The following PTPRD variants were observed in gnomAD, a reference collection of about 807,000 sequenced individuals.
PTPRD encodes protein tyrosine phosphatase receptor type D.
PTPRD carries 34 observed loss-of-function variants against 214.5 expected under a neutral mutation model. The ratio of observed to expected loss-of-function variants is 0.16; its 90% confidence interval spans 0.12 to 0.21. PTPRD has a LOEUF of 0.21. PTPRD is among the 10% of genes least tolerant of loss of function. PTPRD has a pLI of 1.00. For synonymous variants in PTPRD, 1,128 were observed against 845.7 expected (o/e 1.33, Z -5.79); for missense variants, 2,545 against 2,398.7 (o/e 1.06, Z -1.27).
At chr9:10,542,947 C>A (rs1486726753) in intron 2 of PTPRD, among the ~76,000 whole-genome samples, 2 of 152,046 alleles carry the variant, frequency 1.3e-5, no homozygotes, top group Admixed American at 6.6e-5. Flanking sequence ...GATGGGGTGT[C>A]TCCATGTTGG....
At chr9:9,847,917 T>G (rs867001600) in intron 5 of PTPRD, among the ~76,000 whole-genome samples, 24 of 152,064 alleles carry the variant, frequency 1.6e-4, no homozygotes, top group Admixed American at 4.6e-4. Flanking sequence ...CAGATCCACG[T>G]GATGAAGCTA....
chr9:9,176,073 G>C (rs2099924667), intron 10 of PTPRD, among the ~76,000 whole-genome samples: 1 of 152,122 alleles, frequency 6.6e-6, no homozygotes, highest in Non-Finnish European at 1.5e-5. Context: ...ATCTCACATT[G>C]CTACTCTTAT....
chr9:8,740,763 G>A (rs986554925), intron 11 of PTPRD, among the ~76,000 whole-genome samples: 3 of 152,068 alleles, frequency 2.0e-5, no homozygotes, highest in African/African-American at 7.2e-5. Context: ...AACAACAAGA[G>A]GTAGTTTAAG....
intron 2 of PTPRD, among the ~76,000 whole-genome samples, chr9:10,342,889 A>G (rs2154445471): frequency 6.6e-6 from 1 of 152,162 alleles, no homozygotes; most frequent in South Asian, 2.1e-4. Context: ...TGAACAAACT[A>G]AAAAGGTTGG....
At chr9:10,067,253 G>C (rs1027808482) in intron 3 of PTPRD, among the ~76,000 whole-genome samples, 4 of 151,794 alleles carry the variant, frequency 2.6e-5, no homozygotes, top group African/African-American at 9.7e-5. Flanking sequence ...ACTTCAGTTC[G>C]GCAAATGTAG....
At chr9:8,874,667 A>C (rs1305557063) in intron 11 of PTPRD, among the ~76,000 whole-genome samples, 1 of 152,182 alleles carries the variant, frequency 6.6e-6, no homozygotes. Context: ...AGAGAACATA[A>C]TCCCTAATTC....
At chr9:8,554,515 G>T (rs954588727) in intron 14 of PTPRD, among the ~76,000 whole-genome samples, 2 of 152,124 alleles carry the variant, frequency 1.3e-5, no homozygotes, top group African/African-American at 4.8e-5. Flanking sequence ...AGAGGTATAT[G>T]ATCACCCCAT....
intron 14 of PTPRD, among the ~76,000 whole-genome samples, chr9:8,546,619 C>T (rs1259075862): frequency 6.6e-6 from 1 of 151,966 alleles, no homozygotes. Context: ...CTGCCTTGGT[C>T]TCCCCAGTAG....
At chr9:10,189,327 G>C (rs896665198) in intron 3 of PTPRD, among the ~76,000 whole-genome samples, 2 of 152,106 alleles carry the variant, frequency 1.3e-5, no homozygotes, top group Admixed American at 6.5e-5. Flanking sequence ...AGTTGGTGCT[G>C]GCTGAGTTCC....
chr9:10,181,904 G>T (rs980848707), intron 3 of PTPRD, among the ~76,000 whole-genome samples: 2 of 96,172 alleles, frequency 2.1e-5, no homozygotes, highest in African/African-American at 8.4e-5. Context: ...CTCTGAGACA[G>T]AAAAGCTTTC....
chr9:8,320,118 T>G lies in PTPRD; in HGVS notation c.5535-152A>C, dbSNP rs544116084. 10 of 964,140 alleles carry G rather than the reference T, an allele frequency of 1.0e-5. No homozygotes were observed. In the African/African-American group the frequency reaches 1.7e-4, roughly 16 times the overall value. The allele number at this position is 964,140 out of a possible 1,614,324, so 59.7% of individuals were successfully genotyped here. On this transcript the variant is annotated intron_variant, in intron 44 of 45. Transcript: ENST00000381196. ...ACATGGTATCACATTCATCAAATGA[T>G]TACTCTTGGGATACTGAGTTGTAAC...
chr9:8,662,093 T>C (rs1213782633), intron 12 of PTPRD, among the ~76,000 whole-genome samples: 2 of 152,186 alleles, frequency 1.3e-5, no homozygotes, highest in African/African-American at 4.8e-5. Flanking sequence ...TTTTTTGTTT[T>C]GTTTTTCATA....
At chr9:8,966,148 G>C (rs1481788465) in intron 11 of PTPRD, among the ~76,000 whole-genome samples, 1 of 152,010 alleles carries the variant, frequency 6.6e-6, no homozygotes, top group Non-Finnish European at 1.5e-5. Context: ...AACAGTCCAT[G>C]CATATGGATT....
In PTPRD at chr9:8,376,790, G is replaced by C. The variant is rs2083384494; in HGVS notation, c.4387-64C>G. On this transcript the variant is annotated intron_variant, in intron 37 of 45. Transcript: ENST00000381196. Reference sequence around the variant, plus strand: ...TCAATTTCTCTATTAACTTTGCTTTGAGTTGCTGTTGAAGGAAAACAGCTT... The same window carrying C: ...TCAATTTCTCTATTAACTTTGCTTTCAGTTGCTGTTGAAGGAAAACAGCTT... 5.0e-6 allele frequency: 8 copies of C among 1,595,854 alleles called. No individual in the cohort carries two copies. The East Asian group carries it at 1.1e-4, about 22-fold the overall frequency.
chr9:9,485,576 C>G (rs16929586), intron 8 of PTPRD, among the ~76,000 whole-genome samples: 1,705 of 152,228 alleles, frequency 0.011, 39 homozygotes, highest in African/African-American at 0.039. Flanking sequence ...AGTAGATAAT[C>G]TAGTCTCTTA....
At chr9:9,470,523 G>C (rs1362433598) in intron 8 of PTPRD, among the ~76,000 whole-genome samples, 1 of 152,138 alleles carries the variant, frequency 6.6e-6, no homozygotes, top group Admixed American at 6.5e-5. Context: ...TCAACTGATA[G>C]AGTTGGAATA....
At chr9:9,039,726 A>G (rs562228176) in intron 10 of PTPRD, among the ~76,000 whole-genome samples, 1 of 152,156 alleles carries the variant, frequency 6.6e-6, no homozygotes, top group Admixed American at 6.6e-5. Context: ...TTTTGACTCA[A>G]TGTTGTTTGT....
intron 6 of PTPRD, among the ~76,000 whole-genome samples, chr9:9,760,424 G>C (rs2098642019): frequency 6.6e-6 from 1 of 152,008 alleles, no homozygotes; most frequent in South Asian, 2.1e-4. Flanking sequence ...ACAAGGGCTT[G>C]ATATTTTTGC....
intron 2 of PTPRD, among the ~76,000 whole-genome samples, chr9:10,474,223 G>A (rs773845201): frequency 1.8e-4 from 28 of 151,706 alleles, no homozygotes; most frequent in Non-Finnish European, 4.4e-5. Flanking sequence ...TCAGTGTGCT[G>A]TATTCAGGAG....
Sources: allele counts gnomAD v4.1 joint callset (sites outside exome capture counted in the v4.1 genomes callset), GRCh38; gene constraint gnomAD v4.1.1; transcripts MANE v1.5; gene names NCBI Gene and HGNC (gene_info 2026-07-23, HGNC 2026-07-21).